Variants in NBEA observed in about 807,000 individuals in gnomAD.
NBEA encodes the protein neurobeachin, also known as lysosomal-trafficking regulator 2.
A neutral mutation model predicts 343.4 loss-of-function variants in NBEA; 44 were observed. That is an observed-to-expected ratio of 0.13 (90% CI 0.10 to 0.16). The LOEUF is 0.16. NBEA is among the 10% of genes least tolerant of loss of function. The pLI, the probability that NBEA is intolerant of heterozygous loss-of-function variation, is 1.00. For missense variants in NBEA, 2,555 were observed against 3,631.3 expected, an observed-to-expected ratio of 0.70 and a Z score of 7.62; for synonymous variants, 1,175 against 1,238.7, an observed-to-expected ratio of 0.95 and a Z score of 1.08.
intron 38 of NBEA, among the ~76,000 whole-genome samples, chr13:35,396,891 A>G (rs1386947556): frequency 1.3e-5 from 2 of 152,068 alleles, no homozygotes; most frequent in African/African-American, 4.8e-5. Context: ...CCCCTGTATT[A>G]CATCAGATAG....
intron 36 of NBEA, among the ~76,000 whole-genome samples, chr13:35,348,806 T>G (rs1233701640): frequency 6.6e-6 from 1 of 152,034 alleles, no homozygotes; most frequent in Non-Finnish European, 1.5e-5. Flanking sequence ...TGACTTCTGT[T>G]GCATAACCAT....
intron 44 of NBEA, among the ~76,000 whole-genome samples, chr13:35,563,152 TAGA>T: frequency 1.0e-5 from 1 of 95,250 alleles, no homozygotes; most frequent in Admixed American, 1.1e-4. Context: ...GATAGATAGA[TAGA>T]TAGATAGATA....
intron 1 of NBEA, among the ~76,000 whole-genome samples, chr13:34,983,105 T>C (rs1279997264): frequency 6.6e-6 from 1 of 152,128 alleles, no homozygotes; most frequent in Non-Finnish European, 1.5e-5. Flanking sequence ...ATGTGCCATG[T>C]TGGTTTGCTG....
chr13:35,496,483 C>A (rs577383387), intron 41 of NBEA, among the ~76,000 whole-genome samples: 2 of 151,476 alleles, frequency 1.3e-5, no homozygotes, highest in South Asian at 2.1e-4. Context: ...AAAATGAAAA[C>A]CTTAGCCAGG....
intron 52 of NBEA, 74 bp downstream of exon 52, chr13:35,649,921 AC>A: frequency 8.2e-7 from 1 of 1,221,510 alleles, no homozygotes; most frequent in Non-Finnish European, 1.1e-6. Flanking sequence ...GTGTACTGGG[AC>A]TGGGATTAGC....
chr13:35,513,566 G>A (rs17052316), intron 41 of NBEA, among the ~76,000 whole-genome samples: 7,361 of 151,650 alleles, frequency 0.049, 426 homozygotes, highest in East Asian at 0.2. Flanking sequence ...ACTTACACCT[G>A]AATTCATTTT....
rs751212164 is a variant in NBEA at position 35,041,026 on chromosome 13, G to A, written c.388G>A (p.Val130Ile). ...CMTELLEHCD[V>I]TCQAEIWSMF... The stretch of plus-strand genomic sequence containing the variant: ...GACAGAGCTTTTGGAGCACTGTGAT[G>A]TAACATGTCAAGCAGAAATATGGAG... Residue 130 changes from valine (V) to isoleucine (I), a missense_variant, in exon 2 of 59, where the codon GTA becomes ATA. Physicochemically the swap from Val to Ile is conservative, Grantham distance 29. Transcript: ENST00000379939. 1.9e-6 allele frequency: 3 copies of A among 1,613,220 alleles called. No individual in the cohort carries two copies. Among genetic ancestry groups the A allele is most frequent in the East Asian group, 4.5e-5 (2 of 44,818 alleles).
Position 35,606,541 on chromosome 13 carries a change from C to CA in NBEA, c.7419dup (p.Pro2474ThrfsTer2). Reference sequence around the variant, plus strand: ...AATGATGTTGATCTTCCCCCTTGGGCAAAAAAACCTGAAGACTTTGTGCGG... The same window carrying CA: ...AATGATGTTGATCTTCCCCCTTGGGCAAAAAAAACCTGAAGACTTTGTGCGG... On this transcript the variant is annotated frameshift_variant, in exon 48 of 59. Transcript: ENST00000379939. LOFTEE classifies it high-confidence loss of function. 1 of 1,606,116 alleles carries CA rather than the reference C, an allele frequency of 6.2e-7. No homozygotes were observed. Among genetic ancestry groups the CA allele is most frequent in the Non-Finnish European group, 8.5e-7 (1 of 1,175,002 alleles).
intron 11 of NBEA, among the ~76,000 whole-genome samples, chr13:35,098,885 G>A (rs1446655629): frequency 6.6e-6 from 1 of 151,968 alleles, no homozygotes; most frequent in African/African-American, 2.4e-5. Context: ...TGTATACACT[G>A]TCTCTCCATT....
At chr13:35,322,731 T>G (rs952456572) in intron 36 of NBEA, among the ~76,000 whole-genome samples, 1 of 152,162 alleles carries the variant, frequency 6.6e-6, no homozygotes, top group Non-Finnish European at 1.5e-5. Flanking sequence ...ACATATAACC[T>G]TAGACATTGA....
chr13:35,288,432 G>T (rs2035582468), intron 34 of NBEA, among the ~76,000 whole-genome samples: 1 of 151,928 alleles, frequency 6.6e-6, no homozygotes, highest in Non-Finnish European at 1.5e-5. Flanking sequence ...GTAAAGGTGT[G>T]AGGTTCTATG....
Position 35,555,097 on chromosome 13 carries a change from T to C in NBEA, c.6917T>C (p.Ile2306Thr). ...NFEYLMFLNT[I>T]AGRTYNDLNQ... is the part of the protein sequence containing the mutation. Reference sequence around the variant, plus strand: ...GAATATTTGATGTTCCTTAATACTATTGCAGGTAAGATGTCTCATTCTTTA... The same window carrying C: ...GAATATTTGATGTTCCTTAATACTACTGCAGGTAAGATGTCTCATTCTTTA... Residue 2306 changes from isoleucine (I) to threonine (T), a missense_variant, in exon 44 of 59, where the codon ATT (isoleucine) becomes ACT (threonine). Transcript: ENST00000379939. The C allele has an allele frequency of 7.1e-6, 11 of 1,557,170 alleles. No homozygotes were observed. The highest frequency in any genetic ancestry group is 9.7e-6 in the Non-Finnish European group (11 of 1,131,232).
intron 41 of NBEA, among the ~76,000 whole-genome samples, chr13:35,526,556 T>G (rs2077985549): frequency 6.6e-6 from 1 of 152,202 alleles, no homozygotes; most frequent in Non-Finnish European, 1.5e-5. Flanking sequence ...GAGAATCACT[T>G]GAACCCAGTG....
intron 11 of NBEA, among the ~76,000 whole-genome samples, chr13:35,098,953 G>T (rs1312515746): frequency 6.6e-6 from 1 of 151,718 alleles, no homozygotes; most frequent in Non-Finnish European, 1.5e-5. Flanking sequence ...TATCCACTAG[G>T]GGTCTTGGAA....
At chr13:35,431,179 T>C (rs1361312126) in intron 38 of NBEA, among the ~76,000 whole-genome samples, 1 of 152,076 alleles carries the variant, frequency 6.6e-6, no homozygotes, top group African/African-American at 2.4e-5. Context: ...GGCGAGACAT[T>C]GTGCTAGAAA....
At chr13:35,346,198 C>G (rs1391441348) in intron 36 of NBEA, among the ~76,000 whole-genome samples, 1 of 152,068 alleles carries the variant, frequency 6.6e-6, no homozygotes, top group Admixed American at 6.6e-5. Flanking sequence ...ATTAGCCAGC[C>G]AGACCATGTA....
intron 24 of NBEA, among the ~76,000 whole-genome samples, chr13:35,168,557 A>G (rs2070217443): frequency 6.6e-6 from 1 of 151,526 alleles, no homozygotes; most frequent in South Asian, 2.1e-4. Context: ...AAAATTCTAG[A>G]GGTTGGTATA....
chr13:35,300,631 T>C (rs992539950), intron 35 of NBEA, among the ~76,000 whole-genome samples: 1 of 152,322 alleles, frequency 6.6e-6, no homozygotes, highest in Non-Finnish European at 1.5e-5. Flanking sequence ...ATTGCTATCA[T>C]AAATTCTTAG....
At position 35,039,414 on chromosome 13, in the gene NBEA, C is replaced by T. The variant is rs144798799; in HGVS notation, c.295-1519C>T. The stretch of plus-strand genomic sequence containing the variant: ...TGTCCTTGCGGTAGGGTTAGAGGGA[C>T]GATCTGTGGAGTTTTCTGTTCTGCC... On this transcript the variant is annotated intron_variant, in intron 1 of 58. Transcript: ENST00000379939. Among the ~76,000 whole-genome samples the T allele has an allele frequency of 1.1e-4, 16 of 152,178 alleles. No individual in the cohort carries two copies. In the East Asian group the frequency reaches 1.7e-3, roughly 17 times the overall value.
Sources: allele counts gnomAD v4.1 joint callset (sites outside exome capture counted in the v4.1 genomes callset), GRCh38; gene constraint gnomAD v4.1.1; transcripts MANE v1.5; gene names NCBI Gene and HGNC (gene_info 2026-07-23, HGNC 2026-07-21).